The following ADCK1 variants were observed in gnomAD, a reference collection of about 807,000 sequenced individuals.
ADCK1 encodes aarF domain-containing protein kinase 1.
A neutral mutation model predicts 52.3 loss-of-function variants in ADCK1; 41 were observed. The observed-to-expected ratio is 0.78, with a 90% confidence interval of 0.61 to 1.02. The LOEUF is 1.02. ADCK1 is among the 50% of genes least tolerant of loss of function. The pLI is 0.00. For synonymous variants in ADCK1, 250 were observed against 274.6 expected, an observed-to-expected ratio of 0.91 and a Z score of 0.89; for missense variants, 658 against 679.5, an observed-to-expected ratio of 0.97 and a Z score of 0.35.
rs989377383 is a variant in ADCK1, at chr14:77,933,667, T to C, written c.*276T>C. 9.0e-5 allele frequency: 37 copies of C among 411,600 alleles called. No homozygotes were observed. The East Asian group carries it at 1.4e-3, about 15-fold the overall frequency. 25.5% of individuals were successfully genotyped at this position (411,600 alleles called of 1,614,324 possible). A position where few individuals can be genotyped will look rare whatever the true frequency, so the allele number is the denominator to read the frequency against. ...CTGGTATGTGCCATTGGGTTGGATG[T>C]CCCCACTACTTCCGTTAACCCTTCC... is the stretch of plus-strand genomic sequence containing the variant. On this transcript the variant is annotated 3_prime_UTR_variant, in exon 11 of 11. Transcript: ENST00000238561.
intron 1 of ADCK1, among the ~76,000 whole-genome samples, chr14:77,818,058 A>T (rs1013754575): frequency 3.3e-5 from 5 of 151,988 alleles, no homozygotes; most frequent in Admixed American, 6.6e-5. Context: ...GTCTTCTCTA[A>T]CCAAAGTAAA....
intron 1 of ADCK1, among the ~76,000 whole-genome samples, chr14:77,814,630 C>T (rs1036165031): frequency 7.9e-6 from 1 of 127,148 alleles, no homozygotes; most frequent in South Asian, 2.5e-4. Flanking sequence ...CCCAGGAGGT[C>T]AAGGCTGCAG....
chr14:77,898,510 G>C (rs2083458954), intron 5 of ADCK1, among the ~76,000 whole-genome samples: 1 of 152,118 alleles, frequency 6.6e-6, no homozygotes, highest in Non-Finnish European at 1.5e-5. Context: ...GAAGCTGGGA[G>C]CCATTATCCT....
chr14:77,891,321 T>C (rs1002033801), intron 5 of ADCK1, among the ~76,000 whole-genome samples: 4 of 152,118 alleles, frequency 2.6e-5, no homozygotes, highest in Non-Finnish European at 5.9e-5. Context: ...TCAGCAGCTG[T>C]GGAGCAGCCA....
intron 6 of ADCK1, among the ~76,000 whole-genome samples, chr14:77,900,927 G>A (rs1302833772): frequency 6.6e-6 from 1 of 152,160 alleles, no homozygotes; most frequent in Non-Finnish European, 1.5e-5. Flanking sequence ...AGTCGCAGCT[G>A]TCAGTGCCCC....
intron 1 of ADCK1, among the ~76,000 whole-genome samples, chr14:77,804,268 A>C (rs920652989): frequency 1.3e-5 from 2 of 152,156 alleles, no homozygotes; most frequent in Non-Finnish European, 2.9e-5. Context: ...TTTTCAATTG[A>C]CAGACATATT....
intron 1 of ADCK1, among the ~76,000 whole-genome samples, chr14:77,814,729 T>C (rs1008555781): frequency 2.6e-5 from 3 of 116,742 alleles, no homozygotes; most frequent in Non-Finnish European, 3.6e-5. Flanking sequence ...AGAAGAAAAA[T>C]AGAAGTGTGG....
intron 4 of ADCK1, among the ~76,000 whole-genome samples, chr14:77,874,695 C>T (rs79624785): frequency 0.015 from 2,241 of 152,198 alleles, 52 homozygotes; most frequent in African/African-American, 0.051. Context: ...GTATTTAGTG[C>T]GCTTCTGTGT....
At position 77,870,774 on chromosome 14, in the gene ADCK1, CT is replaced by C. The variant is rs1462499663; in HGVS notation, c.423+11497del. 2.0e-5 allele frequency among the ~76,000 whole-genome samples: 3 copies of C among 152,330 alleles called. No homozygotes were observed. In the East Asian group the frequency reaches 5.8e-4, roughly 29 times the overall value. ...CTTGCCCTGGCAGTTGGCCCCATGC[CT>C]TCTAGGACTGCCACAGGGGTCACAG... On this transcript the variant is annotated intron_variant, in intron 4 of 10. Transcript: ENST00000238561.
intron 1 of ADCK1, among the ~76,000 whole-genome samples, chr14:77,809,171 G>T (rs1439129702): frequency 6.6e-6 from 1 of 152,100 alleles, no homozygotes; most frequent in Non-Finnish European, 1.5e-5. Flanking sequence ...GTGGAGAGGT[G>T]ATAAGAATGG....
At chr14:77,881,616 C>G (rs2083027116) in intron 4 of ADCK1, among the ~76,000 whole-genome samples, 1 of 152,264 alleles carries the variant, frequency 6.6e-6, no homozygotes, top group African/African-American at 2.4e-5. Context: ...ATGTCACTTC[C>G]ATGCTTAGGA....
intron 4 of ADCK1, among the ~76,000 whole-genome samples, chr14:77,871,624 C>T (rs2082780658): frequency 6.6e-6 from 1 of 152,114 alleles, no homozygotes; most frequent in African/African-American, 2.4e-5. Context: ...TCCCAAAGTG[C>T]CCGGCCCTAA....
intron 9 of ADCK1, among the ~76,000 whole-genome samples, chr14:77,926,179 C>T (rs2084189442): frequency 1.3e-5 from 2 of 152,182 alleles, no homozygotes; most frequent in African/African-American, 4.8e-5. Context: ...TCCCGAGCTC[C>T]CCTCCAAGTC....
chr14:77,924,186 C>A, intron 7 of ADCK1: 1 of 399,866 alleles, frequency 2.5e-6, no homozygotes, highest in Non-Finnish European at 4.6e-6. Flanking sequence ...GTTCTCCTAC[C>A]TAATCCCATG....
chr14:77,924,336 C>T (rs1231038255), intron 7 of ADCK1, 121 bp from the exon 8 acceptor site: 42 of 1,337,704 alleles, frequency 3.1e-5, no homozygotes, highest in Non-Finnish European at 4.1e-5. Context: ...ACCACAACCG[C>T]TCCGGCCCAC....
In ADCK1 at chr14:77,834,382, G is replaced by A. The variant is rs533082912; in HGVS notation, c.219+11864G>A. On this transcript the variant is annotated intron_variant, in intron 3 of 10. Coordinates refer to ENST00000238561, the MANE Select transcript of ADCK1 (RefSeq NM_020421.4). The stretch of plus-strand genomic sequence containing the variant: ...TTTGAGAAACAAGGCTGCAGCATCC[G>A]TAGCAGATGCTACTGGGCTATGCCC... 5.3e-5 allele frequency among the ~76,000 whole-genome samples: 8 copies of A among 152,296 alleles called. No homozygotes were observed. In the East Asian group the frequency reaches 1.2e-3, roughly 22 times the overall value.
rs373401592 is a variant in ADCK1, at chr14:77,899,106, G to A, written c.589G>A (p.Val197Ile). ...GGTGCTTGTTGGATTTCAGGTGCTC[G>A]TTCTGGCTGTGAAGCAGCTGTTCCC... is the stretch of plus-strand genomic sequence containing the variant. ...SKDILLMEVLVLAVKQLFPEF... is the reference protein window; with the variant it reads ...SKDILLMEVLILAVKQLFPEF... Residue 197 changes from valine to isoleucine, a missense_variant, in exon 6 of 11, where the codon GTT becomes ATT. Physicochemically the swap from Val to Ile is conservative, Grantham distance 29 (BLOSUM62 3). Transcript: ENST00000238561. The A allele has an allele frequency of 2.3e-5, 37 of 1,613,686 alleles. No homozygotes were observed. The highest frequency in any genetic ancestry group is 2.7e-5 in the African/African-American group (2 of 75,048).
intron 1 of ADCK1, among the ~76,000 whole-genome samples, chr14:77,812,995 G>A (rs1169426462): frequency 6.6e-6 from 1 of 151,856 alleles, no homozygotes; most frequent in Non-Finnish European, 1.5e-5. Context: ...AAAGAAATAA[G>A]TGAGTTTCTT....
chr14:77,899,370 T>C, intron 6 of ADCK1, 112 bp downstream of exon 6: 2 of 1,391,140 alleles, frequency 1.4e-6, no homozygotes, highest in Non-Finnish European at 2.0e-6. Flanking sequence ...ATCTTCTTCC[T>C]GAGTCCTCTT....
Sources: allele counts gnomAD v4.1 joint callset (sites outside exome capture counted in the v4.1 genomes callset), GRCh38; gene constraint gnomAD v4.1.1; transcripts MANE v1.5; gene names NCBI Gene and HGNC (gene_info 2026-07-23, HGNC 2026-07-21).